Variants in PRKCZ observed in about 807,000 individuals in gnomAD.
PRKCZ encodes protein kinase C zeta type.
Under a neutral mutation model 79.5 loss-of-function variants are expected in PRKCZ, and 33 were observed. The ratio of observed to expected loss-of-function variants is 0.41; its 90% CI spans 0.31 to 0.55. PRKCZ has a LOEUF of 0.55. PRKCZ is among the 20% of genes least tolerant of loss of function. The probability of loss-of-function intolerance (pLI) is 0.19; values close to 1 mark genes in which losing one functional copy is unlikely to be tolerated. For synonymous variants in PRKCZ, 342 were observed against 320.9 expected, an observed-to-expected ratio of 1.07 and a Z score of -0.70; for missense variants, 578 against 813.5, an observed-to-expected ratio of 0.71 and a Z score of 3.52.
At chr1:2,162,279 C>T (rs1682474104) in intron 10 of PRKCZ, among the ~76,000 whole-genome samples, 1 of 152,174 alleles carries the variant, frequency 6.6e-6, no homozygotes, top group Non-Finnish European at 1.5e-5. Context: ...ATACAGGCCC[C>T]TGCCACCACA....
intron 4 of PRKCZ, among the ~76,000 whole-genome samples, chr1:2,126,535 TCA>T (rs571113991): frequency 1.6e-4 from 25 of 151,846 alleles, no homozygotes; most frequent in Non-Finnish European, 2.9e-4. Context: ...ATTGCGTGTC[TCA>T]GTCACATGAC....
intron 7 of PRKCZ, 84 bp downstream of exon 7, chr1:2,146,192 C>A: frequency 7.4e-7 from 1 of 1,351,732 alleles, no homozygotes; most frequent in Non-Finnish European, 1.1e-6. Context: ...CGAGTCCTTT[C>A]TCAGTCCCAT....
rs112536019 is a variant in PRKCZ at position 2,158,851 on chromosome 1, A to G, written c.974+2759A>G. 5.4e-3 allele frequency among the ~76,000 whole-genome samples: 824 copies of G among 152,218 alleles called. 8 individuals carry two copies. The highest frequency in any genetic ancestry group is 0.019 in the African/African-American group (796 of 41,540). ...TGTGGGGTGTCTGTGGGATCCCCGC[A>G]GCGGCACCAATCACTGTCCTGTGGG... On this transcript the variant is annotated intron_variant, in intron 10 of 17. Coordinates refer to ENST00000378567, the MANE Select transcript of PRKCZ (RefSeq NM_002744.6).
At chr1:2,154,090 G>T (rs1680447716) in intron 9 of PRKCZ, among the ~76,000 whole-genome samples, 1 of 152,176 alleles carries the variant, frequency 6.6e-6, no homozygotes, top group African/African-American at 2.4e-5. Flanking sequence ...GTCCCTGCGG[G>T]GCCACAGTGG....
At chr1:2,050,774 C>G (rs543125578) in intron 1 of PRKCZ, 73 bp downstream of exon 1, 3 of 985,754 alleles carry the variant, frequency 3.0e-6, no homozygotes, top group Non-Finnish European at 3.9e-6. Context: ...CGTCGGGGCT[C>G]CTGCGCGAGA....
In PRKCZ at chr1:2,082,666, G is replaced by A. The variant is rs1246572843; in HGVS notation, c.334+23075G>A. On this transcript the variant is annotated intron_variant, in intron 4 of 17. Transcript: ENST00000378567. The surrounding 1 kb of genome is among the most constrained non-coding windows in gnomAD (Gnocchi z 4.4). ...GGTGGAGTTGGGCAAGGGCGTACAC[G>A]GTCGGCTTCTGAGAGTTGGTCCCCC... is the stretch of plus-strand genomic sequence containing the variant. Among the ~76,000 whole-genome samples, 3 of 152,298 alleles carry A rather than the reference G, an allele frequency of 2.0e-5. No individual in the cohort carries two copies. Among genetic ancestry groups the A allele is most frequent in the East Asian group, 1.9e-4 (1 of 5,174 alleles).
intron 4 of PRKCZ, among the ~76,000 whole-genome samples, chr1:2,096,087 C>G (rs186810519): frequency 2.6e-5 from 4 of 151,494 alleles, no homozygotes; most frequent in Admixed American, 2.0e-4. Flanking sequence ...AGGCATAGTC[C>G]CAGGGAGCAG....
intron 9 of PRKCZ, among the ~76,000 whole-genome samples, chr1:2,151,854 C>T (rs1679963252): frequency 6.6e-6 from 1 of 152,046 alleles, no homozygotes; most frequent in South Asian, 2.1e-4. Context: ...GAGGCAGTGT[C>T]TCATTCTGTT....
At chr1:2,120,821 T>C (rs72907473) in intron 4 of PRKCZ, among the ~76,000 whole-genome samples, 3,019 of 150,112 alleles carry the variant, frequency 0.02, 81 homozygotes, top group African/African-American at 0.062. Context: ...TTTTTACTTT[T>C]AGAATTTCCA....
chr1:2,158,694 G>A (rs1681603791), intron 10 of PRKCZ, among the ~76,000 whole-genome samples: 1 of 152,182 alleles, frequency 6.6e-6, no homozygotes, highest in Non-Finnish European at 1.5e-5. Flanking sequence ...AGATGTATAA[G>A]GGGTCCGATA....
intron 4 of PRKCZ, among the ~76,000 whole-genome samples, chr1:2,112,692 T>TTAG (rs555132032): frequency 8.1e-6 from 1 of 123,918 alleles, no homozygotes; most frequent in Non-Finnish European, 1.8e-5. Context: ...GGTTGGTTGG[T>TTAG]TTTTTTTTTT....
At chr1:2,126,042 C>CT (rs956464846) in intron 4 of PRKCZ, among the ~76,000 whole-genome samples, 6 of 152,114 alleles carry the variant, frequency 3.9e-5, no homozygotes, top group African/African-American at 1.4e-4. Context: ...CCCGATCGCT[C>CT]TATCCAAGGC....
chr1:2,090,034 C>T (rs1329203459), intron 4 of PRKCZ, among the ~76,000 whole-genome samples: 2 of 152,240 alleles, frequency 1.3e-5, no homozygotes, highest in African/African-American at 4.8e-5. Flanking sequence ...GCCGTCTCTT[C>T]TTCACCCGGG....
At chr1:2,085,647 C>T (rs1401217699) in intron 4 of PRKCZ, among the ~76,000 whole-genome samples, 11 of 140,220 alleles carry the variant, frequency 7.8e-5, no homozygotes, top group Admixed American at 1.4e-4. Flanking sequence ...CTGAGGACGT[C>T]GGGGGGCCCT....
intron 1 of PRKCZ, among the ~76,000 whole-genome samples, chr1:2,051,696 C>CG (rs956065154): frequency 2.6e-5 from 4 of 152,148 alleles, no homozygotes; most frequent in African/African-American, 9.7e-5. Flanking sequence ...ACAACTTCCC[C>CG]GGGCCACGTC....
At chr1:2,078,643 ACT>A (rs1662884231) in intron 4 of PRKCZ, among the ~76,000 whole-genome samples, 1 of 151,694 alleles carries the variant, frequency 6.6e-6, no homozygotes, top group South Asian at 2.1e-4. Context: ...CCCGTCTCTG[ACT>A]CTCTTTTAGA....
At chr1:2,110,743 T>C (rs1557586782) in intron 4 of PRKCZ, among the ~76,000 whole-genome samples, 1 of 143,188 alleles carries the variant, frequency 7.0e-6, no homozygotes, top group Non-Finnish European at 1.5e-5. Flanking sequence ...GGCTGGGTCC[T>C]GAGAGAGCTG....
At chr1:2,183,343 G>A (rs1175073942) in intron 16 of PRKCZ, among the ~76,000 whole-genome samples, 2 of 152,106 alleles carry the variant, frequency 1.3e-5, no homozygotes, top group Non-Finnish European at 2.9e-5. Flanking sequence ...GCAGTGAGCC[G>A]AGATCGCGCC....
chr1:2,144,171 CAG>C, intron 5 of PRKCZ, 37 bp from the exon 6 acceptor site: 1 of 1,545,446 alleles, frequency 6.5e-7, no homozygotes, highest in Non-Finnish European at 8.8e-7. Context: ...GCTGGCCCCT[CAG>C]TGTGGCCTGG....
Sources: gnomAD v4.1 joint callset for allele counts (sites outside exome capture counted in the v4.1 genomes callset) on GRCh38, gnomAD v4.1.1 for gene constraint, Gnocchi (gnomAD v3.1) non-coding constraint, MANE v1.5 for transcripts, NCBI Gene and HGNC (gene_info 2026-07-23, HGNC 2026-07-21) for gene names.